RAI14: variants seen among roughly 807,000 people sequenced by gnomAD.
RAI14 encodes ankycorbin.
RAI14 carries 45 observed loss-of-function variants against 115.4 expected under a neutral mutation model. That is an observed-to-expected ratio of 0.39 (90% confidence interval 0.31 to 0.50). RAI14 has a LOEUF of 0.50. Ranked by LOEUF, RAI14 falls within the 20% of genes least tolerant of loss-of-function variation. RAI14 has a pLI of 0.85. For synonymous variants in RAI14, 371 were observed against 415.4 expected, an observed-to-expected ratio of 0.89 and a Z score of 1.30; for missense variants, 939 against 1,131.2, an observed-to-expected ratio of 0.83 and a Z score of 2.44.
intron 2 of RAI14, among the ~76,000 whole-genome samples, chr5:34,756,476 G>A (rs185067975): frequency 1.4e-3 from 211 of 152,310 alleles, no homozygotes; most frequent in African/African-American, 4.9e-3. Flanking sequence ...CAGAAAGTGG[G>A]CTTAGCTCAG....
intron 12 of RAI14, among the ~76,000 whole-genome samples, chr5:34,818,474 A>G (rs1003723626): frequency 1.3e-5 from 2 of 152,184 alleles, no homozygotes; most frequent in African/African-American, 4.8e-5. Context: ...TTAGTACATA[A>G]CTCACTAAAT....
chr5:34,678,633 C>G (rs559756215), intron 1 of RAI14, among the ~76,000 whole-genome samples: 17 of 152,338 alleles, frequency 1.1e-4, no homozygotes, highest in African/African-American at 3.6e-4. Context: ...ACCCTGTTGA[C>G]ACCTTGATCT....
At chr5:34,795,590 A>G (rs1425935796) in intron 3 of RAI14, among the ~76,000 whole-genome samples, 2 of 152,202 alleles carry the variant, frequency 1.3e-5, no homozygotes, top group Admixed American at 6.5e-5. Context: ...TGATAAAGAC[A>G]TATTACTTAG....
rs111896740 is a variant in RAI14, at chr5:34,760,354, C to A, written c.167+2756C>A. Among the ~76,000 whole-genome samples the A allele has an allele frequency of 3.9e-3, 593 of 152,076 alleles. 2 individuals are homozygous for A. The highest frequency in any genetic ancestry group is 0.014 in the African/African-American group (565 of 41,398). ...GGAGTGCTTTTTAAAAATATTGATG[C>A]CATGTTGATCAGAATCAACCCCAGA... On this transcript the variant is annotated intron_variant, in intron 3 of 17. Coordinates refer to ENST00000265109, the MANE Select transcript of RAI14 (RefSeq NM_015577.3).
At chr5:34,786,394 C>G (rs892158044) in intron 3 of RAI14, among the ~76,000 whole-genome samples, 2 of 152,198 alleles carry the variant, frequency 1.3e-5, no homozygotes, top group African/African-American at 2.4e-5. Flanking sequence ...TCTGGAGGGT[C>G]AGGCCGTTCT....
At chr5:34,774,024 A>G (rs1750519666) in intron 3 of RAI14, among the ~76,000 whole-genome samples, 1 of 152,060 alleles carries the variant, frequency 6.6e-6, no homozygotes, top group Non-Finnish European at 1.5e-5. Context: ...TTTATATTGG[A>G]AAAAAACCAA....
intron 2 of RAI14, among the ~76,000 whole-genome samples, chr5:34,695,204 C>T (rs1389872546): frequency 6.6e-6 from 1 of 152,084 alleles, no homozygotes; most frequent in Non-Finnish European, 1.5e-5. Flanking sequence ...CTGGCCTGTT[C>T]ATTCTTTGAA....
chr5:34,814,670 G>T lies in RAI14; in HGVS notation c.939+1G>T. 6.3e-7 allele frequency: 1 copy of T among 1,597,418 alleles called. No individual in the cohort carries two copies. The highest frequency in any genetic ancestry group is 1.3e-5 in the African/African-American group (1 of 74,540). ...ATTTTTTGCTGAACCACCCTTCAAG[G>T]TATTTCCTTTCTGTATTCAGTTTTG... On this transcript the variant is annotated splice_donor_variant, in intron 12 of 17. Coordinates refer to ENST00000265109, the MANE Select transcript of RAI14 (RefSeq NM_015577.3). LOFTEE classifies it high-confidence loss of function.
chr5:34,801,949 A>G (rs2150229107), intron 4 of RAI14, among the ~76,000 whole-genome samples: 1 of 152,252 alleles, frequency 6.6e-6, no homozygotes, highest in South Asian at 2.1e-4. Flanking sequence ...CTGTGGTCCC[A>G]GCTACTAGGG....
chr5:34,754,328 A>C (rs1747588631), intron 2 of RAI14, among the ~76,000 whole-genome samples: 1 of 152,190 alleles, frequency 6.6e-6, no homozygotes, highest in African/African-American at 2.4e-5. Context: ...TTCCTGGATC[A>C]GACGTCTAAT....
intron 3 of RAI14, among the ~76,000 whole-genome samples, chr5:34,777,879 G>GT (rs1751078875): frequency 1.3e-5 from 2 of 151,230 alleles, no homozygotes; most frequent in Non-Finnish European, 3.0e-5. Flanking sequence ...TGTGGGGGGG[G>GT]TGTGGATAAA....
At chr5:34,766,774 C>T (rs1431998963) in intron 3 of RAI14, among the ~76,000 whole-genome samples, 1 of 152,086 alleles carries the variant, frequency 6.6e-6, no homozygotes, top group Non-Finnish European at 1.5e-5. Flanking sequence ...TTGGAGGGAC[C>T]AGGGGCAGAA....
At chr5:34,672,513 A>G (rs1016915738) in intron 1 of RAI14, among the ~76,000 whole-genome samples, 1 of 152,168 alleles carries the variant, frequency 6.6e-6, no homozygotes, top group Non-Finnish European at 1.5e-5. Flanking sequence ...TAGGGTTTCA[A>G]ATTTAGTTAA....
At chr5:34,804,854 T>TCCTTGGC (rs1754676217) in intron 5 of RAI14, among the ~76,000 whole-genome samples, 1 of 152,186 alleles carries the variant, frequency 6.6e-6, no homozygotes, top group South Asian at 2.1e-4. Flanking sequence ...TGCCTCCATA[T>TCCTTGGC]CCTTGGCCCT....
intron 5 of RAI14, 89 bp downstream of exon 5, chr5:34,803,865 T>A (rs1754566965): frequency 8.6e-7 from 1 of 1,156,274 alleles, no homozygotes; most frequent in Non-Finnish European, 1.3e-6. Flanking sequence ...ACACCCTCCA[T>A]ACACACTCCT....
chr5:34,810,975 G>A (rs6872783), intron 7 of RAI14, 37 bp from the exon 8 acceptor site: 66,418 of 1,608,956 alleles, frequency 0.041, 1,816 homozygotes, highest in African/African-American at 0.13. Context: ...GGCATTTTGT[G>A]CCTGAGGTAA....
intron 2 of RAI14, among the ~76,000 whole-genome samples, chr5:34,751,209 G>C (rs1390618019): frequency 6.8e-6 from 1 of 146,712 alleles, no homozygotes; most frequent in Non-Finnish European, 1.5e-5. Context: ...GCCCAGGCTG[G>C]AGTGCTTACT....
intron 12 of RAI14, 140 bp from the exon 13 acceptor site, chr5:34,818,657 C>G (rs922363364): frequency 5.3e-6 from 3 of 571,232 alleles, no homozygotes; most frequent in Non-Finnish European, 9.1e-6. Context: ...TATCTTCTTT[C>G]TTCGAGATTT....
intron 2 of RAI14, among the ~76,000 whole-genome samples, chr5:34,692,068 G>C (rs1738670318): frequency 6.6e-6 from 1 of 152,158 alleles, no homozygotes; most frequent in Non-Finnish European, 1.5e-5. Context: ...TTCGAGACCA[G>C]CCTGGCCAAC....
Sources: gnomAD v4.1 joint callset for allele counts (sites outside exome capture counted in the v4.1 genomes callset) on GRCh38, gnomAD v4.1.1 for gene constraint, MANE v1.5 for transcripts, NCBI Gene and HGNC (gene_info 2026-07-23, HGNC 2026-07-21) for gene names.